PPP2R2B: variants seen among roughly 807,000 people sequenced by gnomAD.
PPP2R2B encodes the protein serine/threonine-protein phosphatase 2A 55 kDa regulatory subunit B beta isoform.
Under a neutral mutation model 46.0 loss-of-function variants are expected in PPP2R2B, and 5 were observed. That is an observed-to-expected ratio of 0.11 (90% CI 0.06 to 0.23). The LOEUF is 0.23. PPP2R2B is among the 10% of genes least tolerant of loss of function. The pLI, the probability that PPP2R2B is intolerant of heterozygous loss-of-function variation, is 1.00. For synonymous variants in PPP2R2B, 215 were observed against 206.7 expected, an observed-to-expected ratio of 1.04 and a Z score of -0.34; for missense variants, 367 against 575.0, an observed-to-expected ratio of 0.64 and a Z score of 3.70.
At chr5:146,795,248 A>G (rs1157029277) in intron 2 of PPP2R2B, among the ~76,000 whole-genome samples, 1 of 152,116 alleles carries the variant, frequency 6.6e-6, no homozygotes, top group African/African-American at 2.4e-5. Context: ...TTCCATATTA[A>G]TTGCAGCATT....
intron 7 of PPP2R2B, among the ~76,000 whole-genome samples, chr5:146,636,299 A>G (rs1002565834): frequency 5.3e-5 from 8 of 152,216 alleles, no homozygotes; most frequent in African/African-American, 1.7e-4. Context: ...ACAGGAAGCC[A>G]TAGGATAAAT....
chr5:146,620,445 G>C lies in PPP2R2B; in HGVS notation c.790+17806C>G, dbSNP rs1051672861. 3.5e-4 allele frequency among the ~76,000 whole-genome samples: 54 copies of C among 152,322 alleles called. 1 individual carries two copies. The highest frequency in any genetic ancestry group is 1.1e-3 in the African/African-American group (46 of 41,578). On this transcript the variant is annotated intron_variant, in intron 7 of 9. Coordinates refer to ENST00000394411, the MANE Select transcript of PPP2R2B (RefSeq NM_181675.4). Reference sequence around the variant, plus strand: ...CCAGCAGGCAGCCGTAAGGGAGGCGGCTGCAGTCCAGACAAGATGATGAGT... The same window carrying C: ...CCAGCAGGCAGCCGTAAGGGAGGCGCCTGCAGTCCAGACAAGATGATGAGT...
chr5:146,926,477 C>A (rs1207060068), intron 1 of PPP2R2B, among the ~76,000 whole-genome samples: 3 of 151,932 alleles, frequency 2.0e-5, no homozygotes, highest in Non-Finnish European at 2.9e-5. Context: ...CTGCAAGCTC[C>A]GCCTCTCGGG....
intron 1 of PPP2R2B, among the ~76,000 whole-genome samples, chr5:147,031,261 T>G (rs531412042): frequency 4.6e-5 from 7 of 152,278 alleles, no homozygotes; most frequent in Non-Finnish European, 1.0e-4. Context: ...TATTTTGCTT[T>G]TATCTTAAGG....
At chr5:146,867,045 A>T (rs1311008710) in intron 2 of PPP2R2B, among the ~76,000 whole-genome samples, 2 of 152,222 alleles carry the variant, frequency 1.3e-5, no homozygotes, top group Non-Finnish European at 2.9e-5. Flanking sequence ...TATACTTGTT[A>T]GTTAATTAAA....
At chr5:146,878,758 G>GCTGCTGCTT, upstream of PPP2R2B, 1 of 1,333,514 alleles carries the variant, frequency 7.5e-7, no homozygotes, top group Non-Finnish European at 9.9e-7. The surrounding 1 kb of genome is among the most constrained non-coding windows in gnomAD (Gnocchi z 4.5). Context: ...TGCTGCTGCT[G>GCTGCTGCTT]CAGGAGGCTG....
Position 146,641,503 on chromosome 5 carries a change from AT to A in PPP2R2B, c.626-3089del, listed in dbSNP as rs61445378. ...AATCAGAATTTTTATGTGCTCTAAGATTTTTTTTTTTTTTTTTTTTTTTTTT... is the reference window on the plus strand; with the variant it reads ...AATCAGAATTTTTATGTGCTCTAAGATTTTTTTTTTTTTTTTTTTTTTTTT... On this transcript the variant is annotated intron_variant, in intron 6 of 9. Coordinates refer to ENST00000394411, the MANE Select transcript of PPP2R2B (RefSeq NM_181675.4). Among the ~76,000 whole-genome samples, 778 of 128,408 alleles carry A rather than the reference AT, an allele frequency of 6.1e-3. 7 individuals are homozygous for A. Among genetic ancestry groups the A allele is most frequent in the African/African-American group, 0.021 (656 of 31,530 alleles). 84.2% of individuals were successfully genotyped at this position (128,408 alleles called of 152,430 possible). A position where few individuals can be genotyped will look rare whatever the true frequency, so the allele number is the denominator to read the frequency against.
At chr5:146,771,398 G>A (rs956881513) in intron 2 of PPP2R2B, among the ~76,000 whole-genome samples, 2 of 152,158 alleles carry the variant, frequency 1.3e-5, no homozygotes, top group African/African-American at 4.8e-5. Context: ...TTTTTAAAAA[G>A]ATCCATCTTG....
intron 2 of PPP2R2B, among the ~76,000 whole-genome samples, chr5:146,793,767 T>A (rs547636213): frequency 1.3e-5 from 2 of 152,220 alleles, no homozygotes; most frequent in Admixed American, 1.3e-4. Flanking sequence ...AACGAGAATA[T>A]AAAGGACCTA....
intron 2 of PPP2R2B, among the ~76,000 whole-genome samples, chr5:146,746,887 G>A (rs1394263221): frequency 6.6e-6 from 1 of 152,176 alleles, no homozygotes; most frequent in Admixed American, 6.5e-5. Flanking sequence ...CCAAAACTGA[G>A]GCTCAGGAAG....
chr5:146,751,415 A>G (rs958087992), intron 2 of PPP2R2B: 1 of 152,128 alleles, frequency 6.6e-6, no homozygotes, highest in Admixed American at 6.5e-5. Flanking sequence ...GCCCCTTCTA[A>G]TTACTCACAA....
At chr5:146,754,373 A>G (rs1484361717) in intron 2 of PPP2R2B, among the ~76,000 whole-genome samples, 1 of 152,236 alleles carries the variant, frequency 6.6e-6, no homozygotes, top group Non-Finnish European at 1.5e-5. Flanking sequence ...GTGGAATAGC[A>G]TGCAGCAACT....
chr5:146,853,234 C>T (rs556510333), intron 2 of PPP2R2B, among the ~76,000 whole-genome samples: 3 of 152,244 alleles, frequency 2.0e-5, no homozygotes, highest in African/African-American at 7.2e-5. Flanking sequence ...AATGGCAGCC[C>T]ATATATTGCT....
chr5:146,866,112 G>T (rs1398001552), intron 2 of PPP2R2B, among the ~76,000 whole-genome samples: 1 of 152,208 alleles, frequency 6.6e-6, no homozygotes, highest in Non-Finnish European at 1.5e-5. Context: ...TGGGACAAAG[G>T]CTGTATGGTC....
chr5:146,874,676 A>G (rs1282922093), intron 2 of PPP2R2B, among the ~76,000 whole-genome samples: 1 of 152,200 alleles, frequency 6.6e-6, no homozygotes, highest in Non-Finnish European at 1.5e-5. Flanking sequence ...TGAAAGTAGG[A>G]AGATTAATCT....
chr5:146,956,896 G>A (rs1751938800), intron 1 of PPP2R2B, among the ~76,000 whole-genome samples: 3 of 152,110 alleles, frequency 2.0e-5, no homozygotes, highest in African/African-American at 4.8e-5. Context: ...TCTCTTTTGA[G>A]GGCATTAATC....
In PPP2R2B at chr5:146,586,206, CA is replaced by C. The variant is rs1460342129; in HGVS notation, c.*3740del. 6.6e-6 allele frequency: 1 copy of C among 152,206 alleles called. No homozygotes were observed. The highest frequency in any genetic ancestry group is 2.4e-5 in the African/African-American group (1 of 41,418). 9.4% of individuals were successfully genotyped at this position (152,206 alleles called of 1,614,324 possible). The stretch of plus-strand genomic sequence containing the variant: ...AGGGTGGTATGTCCAAAGACTGTGT[CA>C]GGGGATTTGTTTTGGAAGTGGGGTG... On this transcript the variant is annotated 3_prime_UTR_variant, in exon 10 of 10. Transcript: ENST00000394411.
At chr5:146,664,491 A>G (rs1332884670) in intron 5 of PPP2R2B, among the ~76,000 whole-genome samples, 2 of 150,992 alleles carry the variant, frequency 1.3e-5, no homozygotes, top group Non-Finnish European at 2.9e-5. Context: ...ATTAAGACCC[A>G]TCTTCAGGCT....
chr5:146,605,633 G>T (rs1472156239), intron 7 of PPP2R2B, among the ~76,000 whole-genome samples: 1 of 152,244 alleles, frequency 6.6e-6, no homozygotes, highest in Non-Finnish European at 1.5e-5. Context: ...CCCACATGTG[G>T]CAACCAAAAT....
Sources: allele counts gnomAD v4.1 joint callset (sites outside exome capture counted in the v4.1 genomes callset), GRCh38; gene constraint gnomAD v4.1.1; non-coding constraint Gnocchi (gnomAD v3.1); transcripts MANE v1.5; gene names NCBI Gene and HGNC (gene_info 2026-07-23, HGNC 2026-07-21).